The following DNAJC15 variants were observed in gnomAD, a reference collection of about 807,000 sequenced individuals.
DNAJC15 encodes the protein DnaJ heat shock protein family (Hsp40) member C15.
A neutral mutation model predicts 22.4 loss-of-function variants in DNAJC15; 27 were observed. The observed-to-expected ratio is 1.20, with a 90% confidence interval of 0.89 to 1.66. The LOEUF (loss-of-function observed/expected upper bound fraction) is 1.66. DNAJC15 is among the 40% of genes most tolerant of loss of function. The pLI is 0.00. For missense variants in DNAJC15, 208 were observed against 187.1 expected (o/e 1.11, Z -0.65); for synonymous variants, 79 against 63.2 (o/e 1.25, Z -1.19).
At chr13:43,040,228 C>T (rs1170973354) in intron 1 of DNAJC15, among the ~76,000 whole-genome samples, 1 of 152,198 alleles carries the variant, frequency 6.6e-6, no homozygotes, top group Non-Finnish European at 1.5e-5. Flanking sequence ...TGCCAGCCAT[C>T]AAGACCCACA....
At chr13:43,042,482 G>A (rs1032437080) in intron 1 of DNAJC15, among the ~76,000 whole-genome samples, 1 of 152,208 alleles carries the variant, frequency 6.6e-6, no homozygotes, top group Non-Finnish European at 1.5e-5. Context: ...GAAGGGTGGT[G>A]AAACAGAAGG....
intron 1 of DNAJC15, among the ~76,000 whole-genome samples, chr13:43,050,341 C>G (rs941151230): frequency 6.6e-6 from 1 of 151,944 alleles, no homozygotes; most frequent in African/African-American, 2.4e-5. Context: ...GGGTCTCACT[C>G]TGTCACCAAG....
chr13:43,061,295 G>A (rs2040557878), intron 1 of DNAJC15, among the ~76,000 whole-genome samples: 1 of 152,142 alleles, frequency 6.6e-6, no homozygotes, highest in African/African-American at 2.4e-5. Context: ...ATGAGAAGGA[G>A]AAAAGGGATA....
In DNAJC15 at chr13:43,108,137, AG is replaced by A. The variant is rs1443883733; in HGVS notation, c.*891del. The A allele has an allele frequency of 2.6e-5, 4 of 152,598 alleles. No individual in the cohort carries two copies. Among genetic ancestry groups the A allele is most frequent in the African/African-American group, 9.6e-5 (4 of 41,474 alleles). 9.5% of individuals were successfully genotyped at this position (152,598 alleles called of 1,614,324 possible). A position where few individuals can be genotyped will look rare whatever the true frequency, so the allele number is the denominator to read the frequency against. On this transcript the variant is annotated 3_prime_UTR_variant, in exon 6 of 6. Transcript: ENST00000379221. ...CAGATGATATATTTTAAAAGTTCAA[AG>A]GAAGAAAAGAATGTGTTAAACACTG...
chr13:43,109,924 T>C lies in DNAJC15; in HGVS notation c.*2676T>C, dbSNP rs1478944041. 1 of 151,676 alleles carries C rather than the reference T, an allele frequency of 6.6e-6. No homozygotes were observed. Among genetic ancestry groups the C allele is most frequent in the Non-Finnish European group, 1.5e-5 (1 of 68,030 alleles). The allele number at this position is 151,676 out of a possible 1,614,324, so 9.4% of individuals were successfully genotyped here. ...GTAGAGAATAAGGATGTGTAAAGCA[T>C]TTAGTCACGTAAATGCTTAAAAAAA... On this transcript the variant is annotated 3_prime_UTR_variant, in exon 6 of 6. Transcript: ENST00000379221.
chr13:43,088,327 A>G (rs1555276900), intron 5 of DNAJC15, among the ~76,000 whole-genome samples: 1 of 152,212 alleles, frequency 6.6e-6, no homozygotes, highest in Non-Finnish European at 1.5e-5. Context: ...CTTGAGAGGC[A>G]CTGATCTAAT....
At chr13:43,069,096 A>G (rs2040596898) in intron 3 of DNAJC15, 93 bp downstream of exon 3, 1 of 1,287,344 alleles carries the variant, frequency 7.8e-7, no homozygotes, top group Non-Finnish European at 1.1e-6. Context: ...TGGATTTTCC[A>G]ATGTTTGTAG....
At chr13:43,102,665 G>A (rs188190107) in intron 5 of DNAJC15, among the ~76,000 whole-genome samples, 11 of 152,014 alleles carry the variant, frequency 7.2e-5, no homozygotes, top group African/African-American at 1.7e-4. Flanking sequence ...AAATTACATC[G>A]ATTAATTTTT....
At chr13:43,035,523 C>T (rs2040425102) in intron 1 of DNAJC15, among the ~76,000 whole-genome samples, 1 of 152,022 alleles carries the variant, frequency 6.6e-6, no homozygotes, top group African/African-American at 2.4e-5. Context: ...AGAACTAAAC[C>T]AAGGGAGAAA....
In DNAJC15 at chr13:43,078,608, A is replaced by G. The variant is rs1352518941; in HGVS notation, c.235-4A>G. 1.9e-6 allele frequency: 3 copies of G among 1,612,094 alleles called. No homozygotes were observed. Among genetic ancestry groups the G allele is most frequent in the African/African-American group, 1.3e-5 (1 of 74,888 alleles). On this transcript the variant is annotated splice_region_variant and splice_polypyrimidine_tract_variant and intron_variant, in intron 3 of 5. Coordinates refer to ENST00000379221, the MANE Select transcript of DNAJC15 (RefSeq NM_013238.3). ...TGATTTCTTGCTCTTTCTTTCCTATACAGAGCTTTTCATCCTACTATAAAG... is the reference window on the plus strand; with the variant it reads ...TGATTTCTTGCTCTTTCTTTCCTATGCAGAGCTTTTCATCCTACTATAAAG...
rs1280833844 is a variant in DNAJC15 at position 43,111,266 on chromosome 13, C to G, written c.*4018C>G. ...AATATTGAATACTTACTATATCAGG[C>G]AGTAAAGATATAAATTCATTCTTAA... On this transcript the variant is annotated 3_prime_UTR_variant, in exon 6 of 6. Transcript: ENST00000379221. The G allele has an allele frequency of 1.3e-5, 2 of 152,062 alleles. No individual in the cohort carries two copies. Among genetic ancestry groups the G allele is most frequent in the Admixed American group, 6.5e-5 (1 of 15,272 alleles). The allele number at this position is 152,062 out of a possible 1,614,324, so 9.4% of individuals were successfully genotyped here.
chr13:43,100,905 G>T (rs2040765670), intron 5 of DNAJC15, among the ~76,000 whole-genome samples: 1 of 152,046 alleles, frequency 6.6e-6, no homozygotes, highest in South Asian at 2.1e-4. Flanking sequence ...GTTTTGGTTG[G>T]TTTTTGCTTC....
At chr13:43,106,298 G>A (rs2040796633) in intron 5 of DNAJC15, among the ~76,000 whole-genome samples, 1 of 152,138 alleles carries the variant, frequency 6.6e-6, no homozygotes. Flanking sequence ...GTTAGTCTAA[G>A]CATTAAACAA....
intron 5 of DNAJC15, among the ~76,000 whole-genome samples, chr13:43,097,844 G>A (rs925708442): frequency 6.6e-6 from 1 of 152,170 alleles, no homozygotes; most frequent in Non-Finnish European, 1.5e-5. Context: ...GGCTGAGGCA[G>A]GAGAATCACT....
chr13:43,089,031 C>G (rs2153441734), intron 5 of DNAJC15, among the ~76,000 whole-genome samples: 1 of 152,250 alleles, frequency 6.6e-6, no homozygotes, highest in East Asian at 1.9e-4. Context: ...ACGTGGCTTA[C>G]TCTTCTTTAT....
intron 1 of DNAJC15, among the ~76,000 whole-genome samples, chr13:43,064,108 TGAAATGGCCTTGCTG>T (rs1178372728): frequency 6.6e-6 from 1 of 152,216 alleles, no homozygotes; most frequent in African/African-American, 2.4e-5. Flanking sequence ...CTTCTTTTAC[TGAAATGGCCTTGCTG>T]TCATTGCCTT....
At chr13:43,050,952 T>G (rs1276165374) in intron 1 of DNAJC15, among the ~76,000 whole-genome samples, 1 of 152,048 alleles carries the variant, frequency 6.6e-6, no homozygotes, top group Non-Finnish European at 1.5e-5. Context: ...TTGGGTTTCT[T>G]TTTGTTGTTT....
intron 1 of DNAJC15, among the ~76,000 whole-genome samples, chr13:43,043,264 C>T (rs2040461966): frequency 6.6e-6 from 1 of 152,156 alleles, no homozygotes; most frequent in Admixed American, 6.5e-5. Context: ...TGTGCCACCA[C>T]TCCCAGCTAA....
intron 3 of DNAJC15, among the ~76,000 whole-genome samples, chr13:43,076,235 G>T (rs952519628): frequency 6.6e-6 from 1 of 152,166 alleles, no homozygotes; most frequent in South Asian, 2.1e-4. Flanking sequence ...TCTGTGTGAT[G>T]AAGGACAGTC....
Sources: allele counts gnomAD v4.1 joint callset (sites outside exome capture counted in the v4.1 genomes callset), GRCh38; gene constraint gnomAD v4.1.1; transcripts MANE v1.5; gene names NCBI Gene and HGNC (gene_info 2026-07-23, HGNC 2026-07-21).